Variants in CILK1 observed in about 807,000 individuals in gnomAD.
The protein encoded by CILK1 is ciliogenesis associated kinase 1.
CILK1 carries 47 observed loss-of-function variants against 79.2 expected under a neutral mutation model. The ratio of observed to expected loss-of-function variants is 0.59; its 90% CI spans 0.47 to 0.76. The LOEUF (loss-of-function observed/expected upper bound fraction) is 0.76, where lower values mean the gene tolerates loss of function less well. Ranked by LOEUF, CILK1 falls within the 30% of genes least tolerant of loss-of-function variation. The pLI is 0.00. For synonymous variants in CILK1, 266 were observed against 275.9 expected (o/e 0.96, Z 0.36); for missense variants, 660 against 769.5 (o/e 0.86, Z 1.68).
At chr6:53,016,303 G>A (rs1764892773) in intron 7 of CILK1, 53 bp from the exon 8 acceptor site, 9 of 1,591,440 alleles carry the variant, frequency 5.7e-6, no homozygotes, top group Non-Finnish European at 7.8e-6. Flanking sequence ...TGTGATATAA[G>A]TTTGTATTCT....
intron 1 of CILK1, among the ~76,000 whole-genome samples, chr6:53,042,473 G>A (rs1450429544): frequency 6.6e-6 from 1 of 152,178 alleles, no homozygotes; most frequent in Non-Finnish European, 1.5e-5. Context: ...ACTTAAGTGT[G>A]CTCCATGAAC....
intron 5 of CILK1, among the ~76,000 whole-genome samples, chr6:53,024,034 G>T (rs1765413921): frequency 6.6e-6 from 1 of 152,174 alleles, no homozygotes; most frequent in South Asian, 2.1e-4. Context: ...AGGCATTGAT[G>T]AGATCAAAAA....
At chr6:53,019,111 A>G (rs1393377278) in intron 6 of CILK1, 116 bp downstream of exon 6, 4 of 940,644 alleles carry the variant, frequency 4.3e-6, no homozygotes, top group Non-Finnish European at 6.7e-6. Flanking sequence ...TATGTTTCAG[A>G]CTGCACTGTT....
chr6:53,020,779 C>T lies in CILK1; in HGVS notation c.359-1420G>A, dbSNP rs910714346. Among the ~76,000 whole-genome samples, 6 of 152,180 alleles carry T rather than the reference C, an allele frequency of 3.9e-5. No individual in the cohort carries two copies. The East Asian group carries it at 1.2e-3, about 29-fold the overall frequency. On this transcript the variant is annotated intron_variant, in intron 5 of 13. Coordinates refer to ENST00000676107, the MANE Select transcript of CILK1 (RefSeq NM_014920.5). The stretch of plus-strand genomic sequence containing the variant: ...GAAGATCTACACGATTCCTTGACAA[C>T]CTGTATGTTGACAACGCTCAAGTCT...
chr6:53,012,142 T>TTTG lies in CILK1; in HGVS notation c.1235_1237dup (p.Thr412dup). On this transcript the variant is annotated inframe_insertion, in exon 10 of 14. Coordinates refer to ENST00000676107, the MANE Select transcript of CILK1 (RefSeq NM_014920.5). ...CAAGTCAGCCCAATCATCTGAATCC[T>TTTG]TTGTTGACCTGGAAATAAGACCCCA... 1 of 1,614,194 alleles carries TTTG rather than the reference T, an allele frequency of 6.2e-7. No individual in the cohort carries two copies. Among genetic ancestry groups the TTTG allele is most frequent in the Non-Finnish European group, 8.5e-7 (1 of 1,180,032 alleles).
chr6:53,021,095 C>T (rs566559988), intron 5 of CILK1, among the ~76,000 whole-genome samples: 13 of 152,224 alleles, frequency 8.5e-5, no homozygotes, highest in African/African-American at 2.4e-4. Context: ...CCGAGGCGGG[C>T]GGATCACTTG....
chr6:53,022,975 C>T (rs904043035), intron 5 of CILK1, among the ~76,000 whole-genome samples: 6 of 151,792 alleles, frequency 4.0e-5, no homozygotes, highest in African/African-American at 1.2e-4. Flanking sequence ...GCTCTGTTGC[C>T]CAGGCTAGAG....
At chr6:53,052,267 G>A (rs918951554) in intron 1 of CILK1, among the ~76,000 whole-genome samples, 10 of 152,168 alleles carry the variant, frequency 6.6e-5, no homozygotes, top group Admixed American at 2.0e-4. Flanking sequence ...ATTCCATGGT[G>A]TATATGTACA....
intron 4 of CILK1, among the ~76,000 whole-genome samples, chr6:53,032,266 C>T (rs1175335928): frequency 1.3e-5 from 2 of 151,994 alleles, no homozygotes; most frequent in Admixed American, 6.6e-5. Context: ...AGCCCAGTAG[C>T]GTGAATGTTA....
Position 53,001,794 on chromosome 6 carries a change from A to G in CILK1, c.*3355T>C, listed in dbSNP as rs1763958495. On this transcript the variant is annotated 3_prime_UTR_variant, in exon 14 of 14. Coordinates refer to ENST00000676107, the MANE Select transcript of CILK1 (RefSeq NM_014920.5). ...GTTTAAATGATATAAAATAATTAGTATGTCAAACATCTTCTTATAAACATA... is the reference window on the plus strand; with the variant it reads ...GTTTAAATGATATAAAATAATTAGTGTGTCAAACATCTTCTTATAAACATA... 2 of 152,688 alleles carry G rather than the reference A, an allele frequency of 1.3e-5. No homozygotes were observed. The highest frequency in any genetic ancestry group is 4.8e-5 in the African/African-American group (2 of 41,466). 9.5% of individuals were successfully genotyped at this position (152,688 alleles called of 1,614,324 possible).
chr6:53,018,305 A>T lies in CILK1; in HGVS notation c.663+25T>A. On this transcript the variant is annotated intron_variant, in intron 7 of 13. Coordinates refer to ENST00000676107, the MANE Select transcript of CILK1 (RefSeq NM_014920.5). ...CATGGGAAGCTGTTGGCTTTGGCCCACTGGCCTTTGTTTTGTATCATTACC... is the reference window on the plus strand; with the variant it reads ...CATGGGAAGCTGTTGGCTTTGGCCCTCTGGCCTTTGTTTTGTATCATTACC... The T allele has an allele frequency of 1.2e-6, 2 of 1,612,512 alleles. 1 individual carries two copies. The highest frequency in any genetic ancestry group is 1.7e-6 in the Non-Finnish European group (2 of 1,178,692).
At chr6:53,029,048 G>T (rs1490417263) in intron 5 of CILK1, among the ~76,000 whole-genome samples, 1 of 151,980 alleles carries the variant, frequency 6.6e-6, no homozygotes, top group Non-Finnish European at 1.5e-5. Flanking sequence ...CTAAAGAATA[G>T]CAACAAAAAT....
chr6:53,021,314 G>A (rs1765223910), intron 5 of CILK1, among the ~76,000 whole-genome samples: 1 of 136,974 alleles, frequency 7.3e-6, no homozygotes, highest in Admixed American at 7.6e-5. Context: ...AACAAAGCAA[G>A]ACTTCGTTTT....
At chr6:53,022,733 T>C (rs895287163) in intron 5 of CILK1, among the ~76,000 whole-genome samples, 2 of 152,252 alleles carry the variant, frequency 1.3e-5, no homozygotes, top group East Asian at 3.8e-4. Flanking sequence ...TCTTCCATTA[T>C]GCCATTCTAA....
intron 4 of CILK1, among the ~76,000 whole-genome samples, chr6:53,032,219 G>A (rs912922875): frequency 2.6e-5 from 4 of 152,104 alleles, no homozygotes; most frequent in Admixed American, 2.0e-4. Flanking sequence ...AGAAATATGG[G>A]TGGGCCCCAC....
intron 12 of CILK1, among the ~76,000 whole-genome samples, chr6:53,007,774 A>G (rs1240123604): frequency 7.3e-6 from 1 of 137,238 alleles, no homozygotes; most frequent in Non-Finnish European, 1.6e-5. Context: ...TACTAAAAAT[A>G]CAAAAAAAAA....
Position 53,011,838 on chromosome 6 carries a change from G to A in CILK1, c.1423C>T (p.Arg475Trp), listed in dbSNP as rs377606328. The change falls in exon 11 of 14, where the codon CGG becomes TGG. Residue 475 changes from arginine (R) to tryptophan (W), a missense_variant. Arg to Trp is a moderately radical substitution (Grantham distance 101). Coordinates refer to ENST00000676107, the MANE Select transcript of CILK1 (RefSeq NM_014920.5). Reference protein sequence around the residue: ...NSAPTQTSYQRRDTPTLRSAA... With the variant: ...NSAPTQTSYQWRDTPTLRSAA... ...GATCTCAGGGTGGGCGTGTCTCGCC[G>A]CTGATATGACGTCTGGGTGGGGGCA... 3.2e-5 allele frequency: 52 copies of A among 1,614,028 alleles called. No homozygotes were observed. The highest frequency in any genetic ancestry group is 2.7e-4 in the African/African-American group (20 of 74,918).
At chr6:53,008,848 AGT>A (rs1386116454) in intron 12 of CILK1, among the ~76,000 whole-genome samples, 1 of 152,212 alleles carries the variant, frequency 6.6e-6, no homozygotes, top group African/African-American at 2.4e-5. Flanking sequence ...TGCACTTGGC[AGT>A]GCAGAGGGGA....
rs35108351 is a variant in CILK1 at position 53,022,937 on chromosome 6, A to ATT, written c.359-3580_359-3579dup. On this transcript the variant is annotated intron_variant, in intron 5 of 13. Transcript: ENST00000676107. ...TCTATCAACTTCAGGTATGTTAACC[A>ATT]TTTTTTTTTTTTTTGAGACGGAGTC... Among the ~76,000 whole-genome samples, 78 of 144,014 alleles carry ATT rather than the reference A, an allele frequency of 5.4e-4. 1 individual carries two copies. Among genetic ancestry groups the ATT allele is most frequent in the African/African-American group, 7.4e-4 (29 of 39,152 alleles). The allele number at this position is 144,014 out of a possible 152,430, so 94.5% of individuals were successfully genotyped here. A position where few individuals can be genotyped will look rare whatever the true frequency, so the allele number is the denominator to read the frequency against.
Sources: allele counts gnomAD v4.1 joint callset (sites outside exome capture counted in the v4.1 genomes callset), GRCh38; gene constraint gnomAD v4.1.1; transcripts MANE v1.5; gene names NCBI Gene and HGNC (gene_info 2026-07-23, HGNC 2026-07-21).